The following TNRC18 variants were observed in gnomAD, a reference collection of about 807,000 sequenced individuals.
TNRC18 encodes trinucleotide repeat-containing gene 18 protein.
TNRC18 carries 69 observed loss-of-function variants against 226.7 expected under a neutral mutation model. That is an observed-to-expected ratio of 0.30 (90% confidence interval 0.25 to 0.37). The LOEUF is 0.37. Among genes scored for constraint, TNRC18 ranks in the 10% least tolerant of loss-of-function variants. The probability of loss-of-function intolerance (pLI) is 1.00; values close to 1 mark genes in which losing one functional copy is unlikely to be tolerated. For synonymous variants in TNRC18, 2,449 were observed against 1,927.6 expected (o/e 1.27, Z -7.09); for missense variants, 4,754 against 4,256.6 (o/e 1.12, Z -3.25).
Position 5,389,089 on chromosome 7 carries a change from C to A in TNRC18, c.735G>T (p.Ala245=), listed in dbSNP as rs1331439499. 8.5e-6 allele frequency: 11 copies of A among 1,291,488 alleles called. No homozygotes were observed. Among genetic ancestry groups the A allele is most frequent in the Middle Eastern group, 2.7e-4 (1 of 3,712 alleles). 80.0% of individuals were successfully genotyped at this position (1,291,488 alleles called of 1,614,324 possible). ...PRGVVDLTQE[A]RAEGRQDRGP... is the part of the protein sequence containing the mutation. ...CCCGGTCCTGGCGGCCCTCGGCGCG[C>A]GCCTCCTGGGTCAGGTCCACCACGC... Residue 245 remains alanine, a synonymous_variant, in exon 5 of 30, where the codon GCG becomes GCT. Coordinates refer to ENST00000430969, the MANE Select transcript of TNRC18 (RefSeq NM_001080495.3).
At chr7:5,327,784 G>A (rs1445379866) in intron 19 of TNRC18, among the ~76,000 whole-genome samples, 16 of 151,990 alleles carry the variant, frequency 1.1e-4, no homozygotes, top group Non-Finnish European at 1.0e-4. Context: ...AACTTCCGAC[G>A]TGATAGAAGT....
chr7:5,385,599 A>T (rs1329087850), intron 5 of TNRC18, among the ~76,000 whole-genome samples: 12 of 151,378 alleles, frequency 7.9e-5, no homozygotes, highest in Admixed American at 7.9e-4. Flanking sequence ...CCGGAGAATC[A>T]CTTGAACCCA....
Position 5,389,011 on chromosome 7 carries a change from G to A in TNRC18, c.813C>T (p.Thr271=), listed in dbSNP as rs144662045. ...RLSPFLAESK[T]KNAALQPSVL... is the part of the protein sequence containing the mutation. ...CCGACGGCTGCAGCGCCGCATTCTT[G>A]GTCTTGGACTCAGCCAGGAAGGGCG... Residue 271 remains threonine, a synonymous_variant, in exon 5 of 30, where the codon ACC becomes ACT. Transcript: ENST00000430969. 5.7e-3 allele frequency: 7,693 copies of A among 1,339,424 alleles called. 378 individuals carry two copies. The East Asian group carries it at 0.15, about 26-fold the overall frequency. 83.0% of individuals were successfully genotyped at this position (1,339,424 alleles called of 1,614,324 possible).
chr7:5,362,078 G>A lies in TNRC18; in HGVS notation c.4396-45C>T, dbSNP rs756509460. ...AGGAGGAGGGGGTGAGGATGCCACT[G>A]CCTAACGACGCCCACCGCCCACCCA... On this transcript the variant is annotated intron_variant, in intron 12 of 29. Transcript: ENST00000430969. 7.5e-6 allele frequency: 12 copies of A among 1,595,616 alleles called. No individual in the cohort carries two copies. The Admixed American group carries it at 1.4e-4, about 18-fold the overall frequency.
chr7:5,414,028 C>G (rs1455627804), intron 2 of TNRC18, among the ~76,000 whole-genome samples: 1 of 152,108 alleles, frequency 6.6e-6, no homozygotes, highest in African/African-American at 2.4e-5. Context: ...TCTCGGCTCA[C>G]TGCAACCTCC....
chr7:5,314,850 G>A (rs1438608657), intron 26 of TNRC18, 134 bp downstream of exon 26: 25 of 979,292 alleles, frequency 2.6e-5, no homozygotes, highest in Admixed American at 2.2e-4. Context: ...TGGGATTACA[G>A]GTGTGAGGCA....
chr7:5,307,992 G>GC lies in TNRC18; in HGVS notation c.*113dup. On this transcript the variant is annotated 3_prime_UTR_variant, in exon 30 of 30. Coordinates refer to ENST00000430969, the MANE Select transcript of TNRC18 (RefSeq NM_001080495.3). ...CGTGCACACCTGGCCCCATGCACAC[G>GC]CCTGCAGGAGCGCTCGCATGCACAC... 1 of 978,142 alleles carries GC rather than the reference G, an allele frequency of 1.0e-6. No homozygotes were observed. The allele number at this position is 978,142 out of a possible 1,614,324, so 60.6% of individuals were successfully genotyped here.
At chr7:5,385,886 G>A (rs148810654) in intron 5 of TNRC18, among the ~76,000 whole-genome samples, 19 of 150,284 alleles carry the variant, frequency 1.3e-4, no homozygotes, top group Non-Finnish European at 7.4e-5. Context: ...AGAAGACTGA[G>A]GCATGAGAAT....
chr7:5,362,087 C>A (rs1039752555), intron 12 of TNRC18, 54 bp from the exon 13 acceptor site: 1 of 1,584,450 alleles, frequency 6.3e-7, no homozygotes, highest in Non-Finnish European at 8.6e-7. Context: ...TGCCTAACGA[C>A]GCCCACCGCC....
chr7:5,349,090 G>T (rs994385149), intron 17 of TNRC18, among the ~76,000 whole-genome samples: 1 of 152,228 alleles, frequency 6.6e-6, no homozygotes, highest in African/African-American at 2.4e-5. Flanking sequence ...GGGGCTGCGG[G>T]GGGAGGGCGA....
intron 24 of TNRC18, among the ~76,000 whole-genome samples, chr7:5,317,781 C>T (rs947758064): frequency 8.6e-5 from 13 of 151,178 alleles, no homozygotes; most frequent in African/African-American, 3.2e-4. Context: ...TCATAGCTCA[C>T]TGCAGCCTCG....
intron 2 of TNRC18, among the ~76,000 whole-genome samples, chr7:5,405,527 C>T (rs1218251783): frequency 6.6e-6 from 1 of 152,142 alleles, no homozygotes; most frequent in Non-Finnish European, 1.5e-5. Context: ...CGAGATTGTG[C>T]CACGGCACTC....
intron 26 of TNRC18, among the ~76,000 whole-genome samples, chr7:5,314,302 T>G (rs1314950461): frequency 6.6e-6 from 1 of 152,190 alleles, no homozygotes; most frequent in Non-Finnish European, 1.5e-5. Flanking sequence ...GCCCTGCTAC[T>G]TCTTGAGCAG....
At chr7:5,321,497 T>C (rs1788353834) in intron 21 of TNRC18, among the ~76,000 whole-genome samples, 1 of 152,098 alleles carries the variant, frequency 6.6e-6, no homozygotes, top group African/African-American at 2.4e-5. Context: ...CTGCACCTGC[T>C]GCCTCTTCCC....
At chr7:5,420,416 C>T (rs1433433737) in intron 2 of TNRC18, 2 of 455,942 alleles carry the variant, frequency 4.4e-6, no homozygotes, top group Non-Finnish European at 8.8e-6. Flanking sequence ...AAGGGGTCCC[C>T]GAGGGCCGGG....
intron 18 of TNRC18, 45 bp downstream of exon 18, chr7:5,345,517 G>GACA: frequency 5.3e-6 from 2 of 377,742 alleles, no homozygotes; most frequent in South Asian, 4.4e-5. Flanking sequence ...AATGGCGTCC[G>GACA]CCCCTCCCAC....
At chr7:5,328,200 A>C (rs1789132272) in intron 19 of TNRC18, among the ~76,000 whole-genome samples, 1 of 151,362 alleles carries the variant, frequency 6.6e-6, no homozygotes. Context: ...CCTGGGCCAC[A>C]AGAGTGAGAC....
intron 21 of TNRC18, among the ~76,000 whole-genome samples, chr7:5,323,077 T>C (rs950988135): frequency 1.3e-5 from 2 of 152,138 alleles, no homozygotes; most frequent in Non-Finnish European, 2.9e-5. Flanking sequence ...GCAAGGCCAC[T>C]GGGGGTCTGC....
intron 5 of TNRC18, 33 bp from the exon 6 acceptor site, chr7:5,378,057 C>G (rs1323286026): frequency 6.3e-7 from 1 of 1,583,124 alleles, no homozygotes; most frequent in Admixed American, 1.7e-5. Flanking sequence ...GAGCCCCCAG[C>G]CAGCACCGAG....
Sources: allele counts gnomAD v4.1 joint callset (sites outside exome capture counted in the v4.1 genomes callset), GRCh38; gene constraint gnomAD v4.1.1; transcripts MANE v1.5; gene names NCBI Gene and HGNC (gene_info 2026-07-23, HGNC 2026-07-21).